Variants in TLK1 observed in about 807,000 individuals in gnomAD.
TLK1 encodes tousled like kinase 1, also known as serine/threonine-protein kinase tousled-like 1.
Under a neutral mutation model 105.3 loss-of-function variants are expected in TLK1, and 24 were observed. The ratio of observed to expected loss-of-function variants is 0.23; its 90% CI spans 0.17 to 0.32. The LOEUF is 0.32. TLK1 is among the 10% of genes least tolerant of loss of function. The pLI, the probability that TLK1 is intolerant of heterozygous loss-of-function variation, is 1.00. For synonymous variants in TLK1, 321 were observed against 310.4 expected (o/e 1.03, Z -0.36); for missense variants, 558 against 910.5 (o/e 0.61, Z 4.98).
intron 12 of TLK1, among the ~76,000 whole-genome samples, chr2:171,015,866 G>C (rs1434714978): frequency 1.3e-5 from 2 of 152,018 alleles, no homozygotes; most frequent in East Asian, 1.9e-4. Flanking sequence ...ATCACCTGAG[G>C]TCGGGAGTTC....
At chr2:171,094,294 T>C (rs757433706) in intron 2 of TLK1, among the ~76,000 whole-genome samples, 8 of 151,924 alleles carry the variant, frequency 5.3e-5, no homozygotes, top group Non-Finnish European at 8.8e-5. Context: ...AACATCAAAA[T>C]ATGAAGAAAT....
At chr2:171,059,057 T>A (rs770951700) in intron 4 of TLK1, among the ~76,000 whole-genome samples, 6 of 152,208 alleles carry the variant, frequency 3.9e-5, no homozygotes, top group Non-Finnish European at 8.8e-5. Flanking sequence ...AACTTTAAAT[T>A]CCTTCTTGGA....
intron 18 of TLK1, among the ~76,000 whole-genome samples, 182 bp downstream of exon 18, chr2:171,005,965 T>A (rs565653720): frequency 2.6e-5 from 4 of 152,238 alleles, no homozygotes; most frequent in East Asian, 1.9e-4. Context: ...TATTTGCAGT[T>A]AAGAACAGAT....
At chr2:171,071,349 G>C (rs995996488) in intron 3 of TLK1, among the ~76,000 whole-genome samples, 2 of 151,714 alleles carry the variant, frequency 1.3e-5, no homozygotes, top group Non-Finnish European at 2.9e-5. Context: ...GTGCAGTGGC[G>C]TGATCTCAGC....
intron 14 of TLK1, among the ~76,000 whole-genome samples, chr2:171,008,816 T>A (rs571529415): frequency 8.8e-6 from 1 of 113,486 alleles, no homozygotes; most frequent in African/African-American, 3.3e-5. Context: ...AATCTCTATG[T>A]AAGCCTCTTC....
chr2:171,098,701 T>C (rs1293554263), intron 2 of TLK1, among the ~76,000 whole-genome samples: 1 of 152,080 alleles, frequency 6.6e-6, no homozygotes, highest in African/African-American at 2.4e-5. Flanking sequence ...CCCTTACAAA[T>C]ATGGATGCAA....
At chr2:171,133,074 T>C (rs1691167442) in intron 1 of TLK1, among the ~76,000 whole-genome samples, 1 of 152,152 alleles carries the variant, frequency 6.6e-6, no homozygotes, top group African/African-American at 2.4e-5. Flanking sequence ...TGTAAAACTA[T>C]ATAATAATAA....
chr2:171,029,997 C>T (rs1443071837), intron 11 of TLK1, among the ~76,000 whole-genome samples: 1 of 152,226 alleles, frequency 6.6e-6, no homozygotes, highest in Non-Finnish European at 1.5e-5. Flanking sequence ...CCACCGACCT[C>T]AGCCTCCCAA....
intron 1 of TLK1, among the ~76,000 whole-genome samples, chr2:171,151,165 G>A (rs1459397504): frequency 6.6e-6 from 1 of 151,968 alleles, no homozygotes; most frequent in Admixed American, 6.6e-5. Context: ...CTACAGGCGT[G>A]CACCACAATG....
In TLK1 at chr2:171,049,810, T is replaced by C. The variant is rs763848157; in HGVS notation, c.980+4A>G. On this transcript the variant is annotated splice_donor_region_variant and intron_variant, in intron 10 of 20. Transcript: ENST00000431350. ...AAAACTTTTAAATGTTAAGAATGAC[T>C]AACTTCACAAGATTCTGAAATGCAA... 5 of 1,613,350 alleles carry C rather than the reference T, an allele frequency of 3.1e-6. No individual in the cohort carries two copies. In the South Asian group the frequency reaches 5.5e-5, roughly 18 times the overall value.
intron 2 of TLK1, among the ~76,000 whole-genome samples, chr2:171,113,592 T>C (rs1453316557): frequency 2.0e-5 from 3 of 152,052 alleles, no homozygotes; most frequent in East Asian, 1.9e-4. Context: ...TTATCATATA[T>C]ATGTAAATCA....
Position 171,108,426 on chromosome 2 carries a change from T to C in TLK1, c.258+9313A>G, listed in dbSNP as rs1010687910. On this transcript the variant is annotated intron_variant, in intron 2 of 20. Coordinates refer to ENST00000431350, the MANE Select transcript of TLK1 (RefSeq NM_012290.5). ...TAACTTTAAAACATCAGGAAAAAAA[T>C]TCATTTGTCCAATGGAAAACACGTA... is the stretch of plus-strand genomic sequence containing the variant. Among the ~76,000 whole-genome samples, 4 of 152,078 alleles carry C rather than the reference T, an allele frequency of 2.6e-5. No homozygotes were observed. The Middle Eastern group carries it at 0.01, about 391-fold the overall frequency.
intron 2 of TLK1, among the ~76,000 whole-genome samples, chr2:171,105,300 A>C (rs1168686034): frequency 6.6e-6 from 1 of 152,242 alleles, no homozygotes; most frequent in Non-Finnish European, 1.5e-5. Context: ...ACTCAACAGC[A>C]AAACAATAAA....
At chr2:171,162,949 C>T (rs1343999949), upstream of TLK1, among the ~76,000 whole-genome samples, 1 of 152,198 alleles carries the variant, frequency 6.6e-6, no homozygotes, top group Non-Finnish European at 1.5e-5. Context: ...CGTGCCACTA[C>T]ATCCAGCTAA....
chr2:171,076,141 C>A (rs1688492843), intron 3 of TLK1, among the ~76,000 whole-genome samples: 1 of 151,526 alleles, frequency 6.6e-6, no homozygotes, highest in Non-Finnish European at 1.5e-5. Flanking sequence ...TCGCTTGAAC[C>A]CAGGAGGGGG....
At position 171,148,223 on chromosome 2, in the gene TLK1, T is replaced by C. The variant is rs531926512; in HGVS notation, c.139+12067A>G. Among the ~76,000 whole-genome samples the C allele has an allele frequency of 3.9e-4, 59 of 152,138 alleles. No individual in the cohort carries two copies. In the South Asian group the frequency reaches 4.2e-3, roughly 11 times the overall value. The stretch of plus-strand genomic sequence containing the variant: ...ATACTGTAAAGCACTATATTGCAAA[T>C]TTTGAAAGGGGCCTATATTGTGTTT... On this transcript the variant is annotated intron_variant, in intron 1 of 20. Coordinates refer to ENST00000431350, the MANE Select transcript of TLK1 (RefSeq NM_012290.5).
chr2:171,112,976 T>C (rs866234988), intron 2 of TLK1, among the ~76,000 whole-genome samples: 1 of 151,936 alleles, frequency 6.6e-6, no homozygotes, highest in Non-Finnish European at 1.5e-5. Context: ...AAAATTACAT[T>C]TGAATATTTT....
At chr2:171,089,079 G>A (rs2356599) in intron 2 of TLK1, among the ~76,000 whole-genome samples, 59,174 of 151,844 alleles carry the variant, frequency 0.39, 12,854 homozygotes, top group African/African-American at 0.57. Context: ...ACAAGGTTTC[G>A]CCATGTTGGC....
intron 1 of TLK1, among the ~76,000 whole-genome samples, chr2:171,139,883 C>G (rs1391482528): frequency 1.3e-5 from 2 of 152,138 alleles, no homozygotes; most frequent in Non-Finnish European, 2.9e-5. Flanking sequence ...AATCATCAGG[C>G]ATTAGTTAGA....
Sources: gnomAD v4.1 joint callset for allele counts (sites outside exome capture counted in the v4.1 genomes callset) on GRCh38, gnomAD v4.1.1 for gene constraint, MANE v1.5 for transcripts, NCBI Gene and HGNC (gene_info 2026-07-23, HGNC 2026-07-21) for gene names.